Variants in ODAPH observed in about 807,000 individuals in gnomAD.
The protein encoded by ODAPH is odontogenesis associated phosphoprotein.
Under a neutral mutation model 2.8 loss-of-function variants are expected in ODAPH, and 2 were observed. That is an observed-to-expected ratio of 0.72 (90% CI 0.30 to 2.28). The LOEUF (loss-of-function observed/expected upper bound fraction) is 2.28. Among genes scored for constraint, ODAPH ranks in the 30% most tolerant of loss-of-function variants. The pLI, the probability that ODAPH is intolerant of heterozygous loss-of-function variation, is 0.13. For missense variants in ODAPH, 159 were observed against 163.3 expected (o/e 0.97, Z 0.14); for synonymous variants, 75 against 60.3 (o/e 1.24, Z -1.13).
chr4:75,561,730 C>T (rs1031918066), intron 1 of ODAPH, among the ~76,000 whole-genome samples: 2 of 152,034 alleles, frequency 1.3e-5, no homozygotes, highest in African/African-American at 4.8e-5. Context: ...ACCTGTAATC[C>T]CAGCTACTCA....
At chr4:75,557,500 G>A (rs1428156421) in intron 1 of ODAPH, among the ~76,000 whole-genome samples, 2 of 152,104 alleles carry the variant, frequency 1.3e-5, no homozygotes, top group African/African-American at 4.8e-5. Flanking sequence ...TTAGCCAGGT[G>A]TGGTGGTGCA....
At chr4:75,560,736 T>C (rs1358934400) in intron 1 of ODAPH, among the ~76,000 whole-genome samples, 5 of 152,192 alleles carry the variant, frequency 3.3e-5, no homozygotes, top group African/African-American at 1.2e-4. Context: ...AAACTTGCCT[T>C]GCAGGCTCTG....
chr4:75,557,522 C>G (rs1054994144), intron 1 of ODAPH, among the ~76,000 whole-genome samples: 1 of 152,148 alleles, frequency 6.6e-6, no homozygotes, highest in African/African-American at 2.4e-5. Flanking sequence ...GCCTGTAATC[C>G]CAGCTACTCG....
At chr4:75,560,382 G>A (rs1299187811) in intron 1 of ODAPH, among the ~76,000 whole-genome samples, 1 of 152,166 alleles carries the variant, frequency 6.6e-6, no homozygotes, top group Non-Finnish European at 1.5e-5. Flanking sequence ...GAACAGAGAA[G>A]AACAAAGATA....
chr4:75,561,943 A>G (rs1727593721), intron 1 of ODAPH, among the ~76,000 whole-genome samples: 2 of 152,120 alleles, frequency 1.3e-5, no homozygotes, highest in African/African-American at 4.8e-5. Flanking sequence ...AGCCTTCCCT[A>G]TTTTGCTGCT....
downstream of ODAPH, chr4:75,565,722 A>G (rs1727787932): frequency 6.6e-6 from 1 of 152,176 alleles, no homozygotes; most frequent in Non-Finnish European, 1.5e-5. Context: ...CAAGATCTAC[A>G]TGCAAAAGTT....
intron 1 of ODAPH, among the ~76,000 whole-genome samples, chr4:75,561,103 A>G (rs1727551265): frequency 6.6e-6 from 1 of 151,832 alleles, no homozygotes; most frequent in African/African-American, 2.4e-5. Context: ...GCGCGCCTGT[A>G]GTCCCGGCTA....
intron 1 of ODAPH, among the ~76,000 whole-genome samples, chr4:75,556,955 G>A (rs1727359350): frequency 1.3e-5 from 2 of 152,088 alleles, no homozygotes; most frequent in Non-Finnish European, 2.9e-5. Context: ...ACATGTCTTG[G>A]GTAGGGGGCT....
chr4:75,564,735 A>G lies in ODAPH; in HGVS notation c.*296A>G. ...TAAATGGGTGGCTCTAGTAATTCCT[A>G]TCCATACTAAGATGCTGAGAGAATC... On this transcript the variant is annotated 3_prime_UTR_variant, in exon 2 of 2. Coordinates refer to ENST00000311623, the MANE Select transcript of ODAPH (RefSeq NM_178497.5). 1 of 571,236 alleles carries G rather than the reference A, an allele frequency of 1.8e-6. No individual in the cohort carries two copies. The highest frequency in any genetic ancestry group is 3.1e-6 in the Non-Finnish European group (1 of 325,400). The allele number at this position is 571,236 out of a possible 1,614,324, so 35.4% of individuals were successfully genotyped here. A position where few individuals can be genotyped will look rare whatever the true frequency, so the allele number is the denominator to read the frequency against.
intron 1 of ODAPH, chr4:75,563,415 C>T (rs1727675074): frequency 6.5e-6 from 1 of 153,900 alleles, no homozygotes; most frequent in Non-Finnish European, 1.5e-5. Flanking sequence ...TATGTATGTA[C>T]ATATATATCT....
intron 1 of ODAPH, among the ~76,000 whole-genome samples, chr4:75,562,843 T>A (rs1223335050): frequency 6.6e-6 from 1 of 152,128 alleles, no homozygotes; most frequent in Non-Finnish European, 1.5e-5. Context: ...CTGCTGCTTG[T>A]AGATGGTCCC....
At chr4:75,556,510 A>G (rs1727344471) in intron 1 of ODAPH, 9 of 1,524,262 alleles carry the variant, frequency 5.9e-6, no homozygotes, top group Non-Finnish European at 7.0e-6. Context: ...TATTATGGTT[A>G]CAAAGCTAAC....
chr4:75,558,223 G>A (rs1020739855), intron 1 of ODAPH, among the ~76,000 whole-genome samples: 3 of 152,134 alleles, frequency 2.0e-5, no homozygotes, highest in African/African-American at 7.2e-5. Flanking sequence ...TACTTTCTGG[G>A]CTCTGATATT....
rs1727592471 is a variant in ODAPH, at chr4:75,561,919, T to A, written c.68-2195T>A. Among the ~76,000 whole-genome samples, 3 of 152,168 alleles carry A rather than the reference T, an allele frequency of 2.0e-5. No homozygotes were observed. The South Asian group carries it at 6.2e-4, about 31-fold the overall frequency. ...CTGTTACCACAAGGCTCTGGTCTCTTCCTCTGTCCCGGAAGCCTTCCCTAT... is the reference window on the plus strand; with the variant it reads ...CTGTTACCACAAGGCTCTGGTCTCTACCTCTGTCCCGGAAGCCTTCCCTAT... On this transcript the variant is annotated intron_variant, in intron 1 of 1. Transcript: ENST00000311623.
chr4:75,565,092 G>C (rs1340422701), downstream of ODAPH: 1 of 154,702 alleles, frequency 6.5e-6, no homozygotes, highest in Non-Finnish European at 1.4e-5. Flanking sequence ...TGCCTCCCGG[G>C]TTCAAGCAAT....
rs1251399558 is a variant in ODAPH, at chr4:75,564,194, C to T, written c.148C>T (p.Pro50Ser). 2 of 1,614,090 alleles carry T rather than the reference C, an allele frequency of 1.2e-6. No homozygotes were observed. The highest frequency in any genetic ancestry group is 2.7e-5 in the African/African-American group (2 of 74,924). Reference protein sequence around the residue: ...ATDCQIFTLTPPPAPRSPVTR... With the variant: ...ATDCQIFTLTSPPAPRSPVTR... ...CGACTGCCAGATCTTTACACTCACC[C>T]CTCCACCTGCCCCGAGGAGTCCGGT... Residue 50 changes from proline (P) to serine (S), a missense_variant, in exon 2 of 2, where the codon CCT (proline) becomes TCT (serine). Pro to Ser is a moderately conservative substitution (Grantham distance 74, BLOSUM62 -1). Transcript: ENST00000311623.
rs771621604 is a variant in ODAPH, at chr4:75,564,537, T to C, written c.*98T>C. The C allele has an allele frequency of 1.2e-6, 2 of 1,602,924 alleles. No individual in the cohort carries two copies. Among genetic ancestry groups the C allele is most frequent in the African/African-American group, 1.3e-5 (1 of 74,632 alleles). ...CTGTTTTATCTTTCGAAACTAAAACTATTGGATTTGAAGATTAAGTATCCT... is the reference window on the plus strand; with the variant it reads ...CTGTTTTATCTTTCGAAACTAAAACCATTGGATTTGAAGATTAAGTATCCT... On this transcript the variant is annotated 3_prime_UTR_variant, in exon 2 of 2. Coordinates refer to ENST00000311623, the MANE Select transcript of ODAPH (RefSeq NM_178497.5).
intron 1 of ODAPH, 77 bp from the exon 2 acceptor site, chr4:75,564,037 C>T (rs1034922843): frequency 7.8e-7 from 1 of 1,287,310 alleles, no homozygotes; most frequent in Admixed American, 1.8e-5. Context: ...CCATCTTTCT[C>T]CTCTGCCACC....
At chr4:75,557,465 C>T (rs1220085556) in intron 1 of ODAPH, among the ~76,000 whole-genome samples, 3 of 152,106 alleles carry the variant, frequency 2.0e-5, no homozygotes, top group Non-Finnish European at 4.4e-5. Context: ...CATGGAGAAA[C>T]CCCATCTCTA....
Sources: gnomAD v4.1 joint callset for allele counts (sites outside exome capture counted in the v4.1 genomes callset) on GRCh38, gnomAD v4.1.1 for gene constraint, MANE v1.5 for transcripts, NCBI Gene and HGNC (gene_info 2026-07-23, HGNC 2026-07-21) for gene names.